KLHL29: variants seen among roughly 807,000 people sequenced by gnomAD.
KLHL29 encodes kelch-like protein 29.
Under a neutral mutation model 80.4 loss-of-function variants are expected in KLHL29, and 21 were observed. The observed-to-expected ratio is 0.26, with a 90% CI of 0.19 to 0.38. The LOEUF is 0.38. KLHL29 is among the 10% of genes least tolerant of loss of function. The pLI, the probability that KLHL29 is intolerant of heterozygous loss-of-function variation, is 1.00. For synonymous variants in KLHL29, 511 were observed against 526.8 expected, an observed-to-expected ratio of 0.97 and a Z score of 0.41; for missense variants, 867 against 1,223.9, an observed-to-expected ratio of 0.71 and a Z score of 4.35.
At chr2:23,452,927 C>CACAT (rs1663929999) in intron 1 of KLHL29, among the ~76,000 whole-genome samples, 1 of 151,528 alleles carries the variant, frequency 6.6e-6, no homozygotes, top group African/African-American at 2.4e-5. Context: ...CACACACACA[C>CACAT]ATCCCCCAGC....
chr2:23,514,306 G>A (rs1396561196), intron 2 of KLHL29, among the ~76,000 whole-genome samples: 5 of 152,176 alleles, frequency 3.3e-5, no homozygotes. Flanking sequence ...GGGCTCCATT[G>A]GAGAGAGACC....
chr2:23,551,458 C>T (rs530794010), intron 2 of KLHL29, among the ~76,000 whole-genome samples: 3 of 152,112 alleles, frequency 2.0e-5, no homozygotes, highest in Non-Finnish European at 2.9e-5. Context: ...TCATCTAAAA[C>T]GGGCACTAGT....
intron 5 of KLHL29, among the ~76,000 whole-genome samples, chr2:23,650,567 C>G (rs1223075383): frequency 2.0e-5 from 3 of 152,224 alleles, no homozygotes; most frequent in Non-Finnish European, 2.9e-5. Flanking sequence ...GCACAAGAGT[C>G]CATCATCTCT....
intron 1 of KLHL29, among the ~76,000 whole-genome samples, chr2:23,423,585 C>G (rs888241652): frequency 6.6e-6 from 1 of 152,212 alleles, no homozygotes; most frequent in Non-Finnish European, 1.5e-5. Context: ...GTGCGTCATT[C>G]CCCTACGACT....
In KLHL29 at chr2:23,623,180, T is replaced by A. The variant is rs115736808; in HGVS notation, c.286-15959T>A. 9.9e-3 allele frequency among the ~76,000 whole-genome samples: 1,513 copies of A among 152,230 alleles called. 25 individuals are homozygous for A. Among genetic ancestry groups the A allele is most frequent in the African/African-American group, 0.033 (1,383 of 41,546 alleles). Reference sequence around the variant, plus strand: ...TCATGTGAGGTGGCCTGGGATGTGCTGGAATGTCTTTCCTTCCCCACCCTG... The same window carrying A: ...TCATGTGAGGTGGCCTGGGATGTGCAGGAATGTCTTTCCTTCCCCACCCTG... On this transcript the variant is annotated intron_variant, in intron 3 of 13. Transcript: ENST00000486442.
intron 1 of KLHL29, among the ~76,000 whole-genome samples, chr2:23,390,422 A>G (rs537596078): frequency 3.3e-5 from 5 of 152,282 alleles, no homozygotes; most frequent in Admixed American, 2.6e-4. Flanking sequence ...TAGGCCATTT[A>G]CAGGCTGCCA....
rs984197370 is a variant in KLHL29 at position 23,700,531 on chromosome 2, C to A, written c.2106-2655C>A. On this transcript the variant is annotated intron_variant, in intron 11 of 13. Coordinates refer to ENST00000486442, the MANE Select transcript of KLHL29 (RefSeq NM_052920.2). This position sits in a 1 kb window ranked among gnomAD's most constrained non-coding sequence, Gnocchi z 4.6. ...CAACATCCCTATGGTAGCTTGAAAT[C>A]AGCCAAGTGGGAGGAGTGACATCGC... Among the ~76,000 whole-genome samples the A allele has an allele frequency of 6.6e-6, 1 of 152,306 alleles. No homozygotes were observed. The highest frequency in any genetic ancestry group is 2.4e-5 in the African/African-American group (1 of 41,540).
At chr2:23,466,675 A>C (rs1172281041) in intron 1 of KLHL29, among the ~76,000 whole-genome samples, 1 of 152,242 alleles carries the variant, frequency 6.6e-6, no homozygotes, top group African/African-American at 2.4e-5. Flanking sequence ...ATTAGTATTC[A>C]TAAGAATCTA....
At chr2:23,656,932 GAAAAAAAAAA>G (rs58320389) in intron 5 of KLHL29, among the ~76,000 whole-genome samples, 2 of 110,100 alleles carry the variant, frequency 1.8e-5, no homozygotes, top group Admixed American at 9.6e-5. Flanking sequence ...TCCCCAACAG[GAAAAAAAAAA>G]AAAAAAAAAA....
At chr2:23,393,057 G>T (rs999469841) in intron 1 of KLHL29, among the ~76,000 whole-genome samples, 1 of 152,170 alleles carries the variant, frequency 6.6e-6, no homozygotes, top group Non-Finnish European at 1.5e-5. Context: ...GCAAATCAAA[G>T]AATAAAAACA....
intron 2 of KLHL29, among the ~76,000 whole-genome samples, chr2:23,497,384 G>A (rs1572357633): frequency 6.6e-6 from 1 of 152,290 alleles, no homozygotes; most frequent in East Asian, 1.9e-4. Context: ...CAGTCACTCA[G>A]CCCCTCCCTC....
chr2:23,399,818 TCA>T (rs1445647221), intron 1 of KLHL29, among the ~76,000 whole-genome samples: 1 of 152,210 alleles, frequency 6.6e-6, no homozygotes, highest in African/African-American at 2.4e-5. Context: ...AGACAGAAAC[TCA>T]CAGTGTGCAC....
chr2:23,438,246 G>A (rs956665407), intron 1 of KLHL29, among the ~76,000 whole-genome samples: 12 of 151,574 alleles, frequency 7.9e-5, no homozygotes, highest in Non-Finnish European at 1.6e-4. Flanking sequence ...TACAATCATG[G>A]CGTCTGCAGA....
At chr2:23,514,104 A>G (rs1665855159) in intron 2 of KLHL29, among the ~76,000 whole-genome samples, 1 of 152,298 alleles carries the variant, frequency 6.6e-6, no homozygotes, top group South Asian at 2.1e-4. Flanking sequence ...GGTCTCTTGT[A>G]ATTTGGACAG....
chr2:23,706,083 T>C (rs1160820685), intron 13 of KLHL29, among the ~76,000 whole-genome samples: 1 of 150,366 alleles, frequency 6.7e-6, no homozygotes. Context: ...CTTATTATTC[T>C]CTCTCGTCAT....
intron 1 of KLHL29, among the ~76,000 whole-genome samples, chr2:23,427,843 C>T (rs1449744608): frequency 6.6e-6 from 1 of 152,154 alleles, no homozygotes; most frequent in Admixed American, 6.5e-5. Context: ...AATATTCTGG[C>T]ATGTTGTAGT....
intron 1 of KLHL29, among the ~76,000 whole-genome samples, chr2:23,448,245 C>T (rs1046399257): frequency 6.6e-6 from 1 of 152,042 alleles, no homozygotes; most frequent in Non-Finnish European, 1.5e-5. Context: ...CTGACACCAG[C>T]AGGTTTCTGG....
At chr2:23,453,479 C>T (rs1192626268) in intron 1 of KLHL29, among the ~76,000 whole-genome samples, 1 of 152,214 alleles carries the variant, frequency 6.6e-6, no homozygotes, top group East Asian at 1.9e-4. Context: ...CTTCCTGCCA[C>T]ATGGGAATTC....
chr2:23,570,785 G>C (rs906968934), intron 3 of KLHL29, among the ~76,000 whole-genome samples: 9 of 152,230 alleles, frequency 5.9e-5, no homozygotes, highest in Non-Finnish European at 1.3e-4. Context: ...CATGCTTTCA[G>C]ATTTGATTGC....
Sources: allele counts gnomAD v4.1 joint callset (sites outside exome capture counted in the v4.1 genomes callset), GRCh38; gene constraint gnomAD v4.1.1; non-coding constraint Gnocchi (gnomAD v3.1); transcripts MANE v1.5; gene names NCBI Gene and HGNC (gene_info 2026-07-23, HGNC 2026-07-21).